Variants in MINDY2 observed in about 807,000 individuals in gnomAD.
MINDY2 encodes MINDY lysine 48 deubiquitinase 2.
In MINDY2, 52 loss-of-function variants were observed where a neutral mutation model predicts 68.2. The ratio of observed to expected loss-of-function variants is 0.76; its 90% CI spans 0.61 to 0.96. MINDY2 has a LOEUF of 0.96. MINDY2 is among the 40% of genes least tolerant of loss of function. The pLI, the probability that MINDY2 is intolerant of heterozygous loss-of-function variation, is 0.00. For synonymous variants in MINDY2, 372 were observed against 303.0 expected (o/e 1.23, Z -2.36); for missense variants, 881 against 773.4 (o/e 1.14, Z -1.65).
At chr15:58,796,515 A>T (rs1387724957) in intron 2 of MINDY2, among the ~76,000 whole-genome samples, 1 of 152,152 alleles carries the variant, frequency 6.6e-6, no homozygotes, top group Non-Finnish European at 1.5e-5. Flanking sequence ...TAACAAGTTA[A>T]ATGTAGTTTC....
In MINDY2 at chr15:58,832,459, C is replaced by G. The variant is rs140147267; in HGVS notation, c.1368+543C>G. On this transcript the variant is annotated intron_variant, in intron 6 of 8. Transcript: ENST00000559228. ...GGTCAGGCTGGTGTCAAACTCCTGA[C>G]CTCAGGTGATCGCCCGCCTCAGCCT... Among the ~76,000 whole-genome samples the G allele has an allele frequency of 1.1e-4, 16 of 151,296 alleles. No individual in the cohort carries two copies. The East Asian group carries it at 3.1e-3, about 29-fold the overall frequency.
chr15:58,795,597 G>A, intron 2 of MINDY2, among the ~76,000 whole-genome samples: 1 of 151,960 alleles, frequency 6.6e-6, no homozygotes, highest in East Asian at 1.9e-4. Context: ...GTAGAGACAG[G>A]GTTTCACCGT....
At chr15:58,852,179 C>T (rs1206654840) in intron 8 of MINDY2, among the ~76,000 whole-genome samples, 1 of 147,708 alleles carries the variant, frequency 6.8e-6, no homozygotes, top group African/African-American at 2.5e-5. Context: ...ATCCCAGCTA[C>T]TGGGAGGCTG....
intron 6 of MINDY2, among the ~76,000 whole-genome samples, chr15:58,835,390 C>T (rs940991453): frequency 3.9e-5 from 6 of 152,202 alleles, no homozygotes; most frequent in Middle Eastern, 3.4e-3. Context: ...CGGTGTCTCA[C>T]GCCTGTAATC....
At position 58,772,008 on chromosome 15, in the gene MINDY2, G is replaced by C. The variant is rs1285344697; in HGVS notation, c.613G>C (p.Glu205Gln). Residue 205 changes from glutamate (E) to glutamine (Q), a missense_variant, in exon 1 of 9, where the codon GAG becomes CAG. Physicochemically the swap from Glu to Gln is conservative, Grantham distance 29 (BLOSUM62 2). Coordinates refer to ENST00000559228, the MANE Select transcript of MINDY2 (RefSeq NM_001040450.3). ...AGCGGAGAACAGGGTCCCTGAGGAG[G>C]AGGAGGGCGCGGCGGTGTTGCCCGG... The part of the protein sequence containing the change: ...EGAENRVPEE[E>Q]EGAAVLPGAV... 2 of 1,595,292 alleles carry C rather than the reference G, an allele frequency of 1.3e-6. No individual in the cohort carries two copies. The highest frequency in any genetic ancestry group is 1.7e-5 in the Admixed American group (1 of 57,434).
chr15:58,798,340 T>A (rs1461557547), intron 2 of MINDY2, among the ~76,000 whole-genome samples: 1 of 151,368 alleles, frequency 6.6e-6, no homozygotes, highest in African/African-American at 2.4e-5. Context: ...TTGGCCAGGC[T>A]GATCTCGAAC....
rs375899024 is a variant in MINDY2 at position 58,842,347 on chromosome 15, T to C, written c.1369-4950T>C. On this transcript the variant is annotated intron_variant, in intron 6 of 8. Transcript: ENST00000559228. ...TTACTCTATGTTTAGGGATTAGAAG[T>C]GAAAAGTAGTTTAGAAGGAGGTACA... is the stretch of plus-strand genomic sequence containing the variant. Among the ~76,000 whole-genome samples, 5 of 152,226 alleles carry C rather than the reference T, an allele frequency of 3.3e-5. No homozygotes were observed. The East Asian group carries it at 7.7e-4, about 24-fold the overall frequency.
At chr15:58,831,670 T>C in intron 5 of MINDY2, 104 bp from the exon 6 acceptor site, 2 of 969,036 alleles carry the variant, frequency 2.1e-6, no homozygotes, top group Non-Finnish European at 3.0e-6. Context: ...AGTATTATAA[T>C]TATTGGCCTT....
chr15:58,861,885 T>A lies in MINDY2; in HGVS notation c.*7275T>A, dbSNP rs1476690308. ...GATTATATTTTATTTCAATAAACTT[T>A]GATATTTAGACCAAAGTCTGTTCGC... On this transcript the variant is annotated 3_prime_UTR_variant, in exon 9 of 9. Transcript: ENST00000559228. 1 of 152,222 alleles carries A rather than the reference T, an allele frequency of 6.6e-6. No homozygotes were observed. The highest frequency in any genetic ancestry group is 1.5e-5 in the Non-Finnish European group (1 of 68,034). 9.4% of individuals were successfully genotyped at this position (152,222 alleles called of 1,614,324 possible).
chr15:58,815,096 T>A (rs1166728805), intron 4 of MINDY2, among the ~76,000 whole-genome samples: 2 of 152,192 alleles, frequency 1.3e-5, no homozygotes, highest in African/African-American at 4.8e-5. Flanking sequence ...TTTATGAATA[T>A]GGTCAATGTT....
Position 58,861,069 on chromosome 15 carries a change from G to C in MINDY2, c.*6459G>C, listed in dbSNP as rs1156796091. The C allele has an allele frequency of 2.0e-5, 3 of 152,194 alleles. No individual in the cohort carries two copies. The highest frequency in any genetic ancestry group is 7.2e-5 in the African/African-American group (3 of 41,450). The allele number at this position is 152,194 out of a possible 1,614,324, so 9.4% of individuals were successfully genotyped here. A position where few individuals can be genotyped will look rare whatever the true frequency, so the allele number is the denominator to read the frequency against. On this transcript the variant is annotated 3_prime_UTR_variant, in exon 9 of 9. Transcript: ENST00000559228. ...AATCATGTTTGCTTGTGAAACTTCAGAGGTACCCTGAAAGTCATTTCCTAA... is the reference window on the plus strand; with the variant it reads ...AATCATGTTTGCTTGTGAAACTTCACAGGTACCCTGAAAGTCATTTCCTAA...
chr15:58,834,039 G>A (rs1175030981), intron 6 of MINDY2, among the ~76,000 whole-genome samples: 2 of 152,126 alleles, frequency 1.3e-5, no homozygotes, highest in Non-Finnish European at 2.9e-5. Context: ...TGAGATTAGG[G>A]AGTGGTGATG....
chr15:58,821,955 G>A, intron 5 of MINDY2, 136 bp downstream of exon 5: 1 of 581,826 alleles, frequency 1.7e-6, no homozygotes, highest in Non-Finnish European at 2.8e-6. Flanking sequence ...ATTTTAAGAA[G>A]TAACCATCCA....
chr15:58,778,862 G>A lies in MINDY2; in HGVS notation c.840+6627G>A, dbSNP rs567159280. Among the ~76,000 whole-genome samples the A allele has an allele frequency of 2.3e-4, 33 of 146,142 alleles. No homozygotes were observed. In the South Asian group the frequency reaches 6.9e-3, roughly 30 times the overall value. Reference sequence around the variant, plus strand: ...GAATCTCATTTAGTCGCCCAGGCTGGAGTGCAGTGGCACGATCTTGGCTCA... The same window carrying A: ...GAATCTCATTTAGTCGCCCAGGCTGAAGTGCAGTGGCACGATCTTGGCTCA... On this transcript the variant is annotated intron_variant, in intron 1 of 8. Coordinates refer to ENST00000559228, the MANE Select transcript of MINDY2 (RefSeq NM_001040450.3).
intron 1 of MINDY2, among the ~76,000 whole-genome samples, chr15:58,783,511 T>C (rs1232660738): frequency 1.3e-5 from 2 of 152,230 alleles, no homozygotes; most frequent in Non-Finnish European, 1.5e-5. Flanking sequence ...CCTTGGCATA[T>C]CACTCTTAGG....
intron 7 of MINDY2, 120 bp downstream of exon 7, chr15:58,847,590 T>A: frequency 2.7e-6 from 2 of 731,784 alleles, no homozygotes; most frequent in Non-Finnish European, 4.2e-6. Context: ...GAAATTTTCC[T>A]GACACTTCCT....
chr15:58,825,440 A>G lies in MINDY2; in HGVS notation c.1225+3621A>G, dbSNP rs940199398. 3.3e-5 allele frequency among the ~76,000 whole-genome samples: 5 copies of G among 152,002 alleles called. No homozygotes were observed. In the East Asian group the frequency reaches 9.6e-4, roughly 29 times the overall value. ...ATGAATAGAAACAATACCTTTTTGA[A>G]TCTGGTTGTGATGATGCTGATTTTT... On this transcript the variant is annotated intron_variant, in intron 5 of 8. Transcript: ENST00000559228.
At chr15:58,807,455 A>G (rs1393370512) in intron 3 of MINDY2, among the ~76,000 whole-genome samples, 2 of 141,480 alleles carry the variant, frequency 1.4e-5, no homozygotes, top group African/African-American at 5.3e-5. Flanking sequence ...TCCCGGGTTT[A>G]CGCCATTCTG....
chr15:58,785,619 ACT>A (rs1417278863), intron 1 of MINDY2, among the ~76,000 whole-genome samples: 2 of 152,114 alleles, frequency 1.3e-5, no homozygotes, highest in Non-Finnish European at 2.9e-5. Flanking sequence ...ATATATGGGA[ACT>A]CTCTGTACTT....
Sources: gnomAD v4.1 joint callset for allele counts (sites outside exome capture counted in the v4.1 genomes callset) on GRCh38, gnomAD v4.1.1 for gene constraint, MANE v1.5 for transcripts, NCBI Gene and HGNC (gene_info 2026-07-23, HGNC 2026-07-21) for gene names.